The following CHRNA7 variants were observed in gnomAD, a reference collection of about 807,000 sequenced individuals.
The protein encoded by CHRNA7 is neuronal acetylcholine receptor subunit alpha-7.
In CHRNA7, 17 loss-of-function variants were observed where a neutral mutation model predicts 48.0. The observed-to-expected ratio is 0.35, with a 90% CI of 0.24 to 0.53. The LOEUF is 0.53. CHRNA7 is among the 20% of genes least tolerant of loss of function. CHRNA7 has a pLI of 0.92. For synonymous variants in CHRNA7, 75 were observed against 242.3 expected (o/e 0.31, Z 6.41); for missense variants, 155 against 577.7 (o/e 0.27, Z 7.50).
intron 4 of CHRNA7, among the ~76,000 whole-genome samples, chr15:32,123,247 C>G (rs1230013644): frequency 1.3e-5 from 2 of 152,144 alleles, no homozygotes; most frequent in African/African-American, 4.8e-5. Context: ...TGGTGTCGGC[C>G]TTCTTTGGTT....
At chr15:32,047,361 T>C (rs2049570941) in intron 2 of CHRNA7, among the ~76,000 whole-genome samples, 1 of 150,970 alleles carries the variant, frequency 6.6e-6, no homozygotes, top group Non-Finnish European at 1.5e-5. Flanking sequence ...CAGTGGTTTG[T>C]AGTTCTCCTT....
chr15:32,114,046 A>ATATATACATATATATATATG (rs2050816037), intron 4 of CHRNA7, among the ~76,000 whole-genome samples: 2 of 44,766 alleles, frequency 4.5e-5, no homozygotes, highest in African/African-American at 1.3e-4. Flanking sequence ...ATATATATGT[A>ATATATACATATATATATATG]TATATATATA....
intron 2 of CHRNA7, among the ~76,000 whole-genome samples, chr15:32,064,725 A>C (rs2049937384): frequency 6.6e-6 from 1 of 152,140 alleles, no homozygotes; most frequent in Non-Finnish European, 1.5e-5. Flanking sequence ...AGAGCTCTGG[A>C]AACCAAAACA....
At chr15:32,152,716 C>T (rs2051656706) in intron 4 of CHRNA7, among the ~76,000 whole-genome samples, 1 of 152,118 alleles carries the variant, frequency 6.6e-6, no homozygotes, top group Non-Finnish European at 1.5e-5. Flanking sequence ...GTGTGACAGC[C>T]TGATAAAGGA....
rs947251151 is a variant in CHRNA7, at chr15:32,033,099, G to A, written c.195+2062G>A. ...GTCAGCAGCCAGAGGTCATGGGAAG[G>A]GGGCGGGAGAAAGTTTATCTCTCAC... On this transcript the variant is annotated intron_variant, in intron 2 of 9. Transcript: ENST00000306901. 3.3e-5 allele frequency among the ~76,000 whole-genome samples: 5 copies of A among 152,276 alleles called. No individual in the cohort carries two copies. In the South Asian group the frequency reaches 8.3e-4, roughly 25 times the overall value.
chr15:32,096,340 C>T (rs1342748479), intron 2 of CHRNA7, among the ~76,000 whole-genome samples: 2 of 152,060 alleles, frequency 1.3e-5, no homozygotes, highest in Non-Finnish European at 2.9e-5. Flanking sequence ...ATTGCCTGCC[C>T]TTTTCTGATT....
chr15:32,100,891 A>G (rs2050559916), intron 2 of CHRNA7: 1 of 181,600 alleles, frequency 5.5e-6, no homozygotes, highest in Admixed American at 6.4e-5. Flanking sequence ...ACATACTTGT[A>G]TTTGTTTAAA....
chr15:32,144,256 G>A (rs1026389979), intron 4 of CHRNA7, among the ~76,000 whole-genome samples: 16 of 152,176 alleles, frequency 1.1e-4, no homozygotes, highest in Non-Finnish European at 2.4e-4. Flanking sequence ...CTCTCTTCTG[G>A]CTTGTAGGGT....
chr15:32,121,149 G>GTGC (rs760039862), intron 4 of CHRNA7, among the ~76,000 whole-genome samples: 31 of 152,206 alleles, frequency 2.0e-4, no homozygotes, highest in Admixed American at 1.2e-3. Context: ...CGAGCTGGAT[G>GTGC]TGCCCCATTG....
At chr15:32,125,178 A>G (rs539424121) in intron 4 of CHRNA7, among the ~76,000 whole-genome samples, 13 of 152,334 alleles carry the variant, frequency 8.5e-5, no homozygotes, top group African/African-American at 2.9e-4. Flanking sequence ...TGAACTAATA[A>G]AAGATTTAAG....
At chr15:32,137,444 A>G (rs2051292313) in intron 4 of CHRNA7, among the ~76,000 whole-genome samples, 1 of 152,154 alleles carries the variant, frequency 6.6e-6, no homozygotes, top group Admixed American at 6.5e-5. Context: ...TCTTACATGT[A>G]TATATCTAAT....
intron 4 of CHRNA7, among the ~76,000 whole-genome samples, chr15:32,140,334 G>A (rs1169045024): frequency 1.3e-5 from 2 of 152,154 alleles, no homozygotes; most frequent in African/African-American, 2.4e-5. Flanking sequence ...ATGGACATTT[G>A]GGTTGGTTCC....
chr15:32,066,320 C>T lies in CHRNA7; in HGVS notation c.196-34983C>T, dbSNP rs1367082562. ...TTTTTGAGATGGAGTCTCACTCTGT[C>T]GCCCAGGCTGGAGTGCGGTGGCGCG... On this transcript the variant is annotated intron_variant, in intron 2 of 9. Coordinates refer to ENST00000306901, the MANE Select transcript of CHRNA7 (RefSeq NM_000746.6). Among the ~76,000 whole-genome samples, 29 of 149,992 alleles carry T rather than the reference C, an allele frequency of 1.9e-4. No homozygotes were observed. The East Asian group carries it at 4.7e-3, about 24-fold the overall frequency.
chr15:32,035,626 G>A (rs1297266728), intron 2 of CHRNA7, among the ~76,000 whole-genome samples: 1 of 152,052 alleles, frequency 6.6e-6, no homozygotes, highest in African/African-American at 2.4e-5. Context: ...CTCTGTGTAG[G>A]TTTGCAATAT....
rs2051574323 is a variant in CHRNA7 at position 32,149,490 on chromosome 15, G to A, written c.351-4417G>A. ...TTTCAAACTCAGTTTTCAGCAACAG[G>A]GCCTTTCTTCAAACTCATCTTATCT... On this transcript the variant is annotated intron_variant, in intron 4 of 9. Coordinates refer to ENST00000306901, the MANE Select transcript of CHRNA7 (RefSeq NM_000746.6). This position sits in a 1 kb window ranked among gnomAD's most constrained non-coding sequence, Gnocchi z 4.6. Among the ~76,000 whole-genome samples the A allele has an allele frequency of 6.6e-6, 1 of 152,026 alleles. No individual in the cohort carries two copies. Among genetic ancestry groups the A allele is most frequent in the African/African-American group, 2.4e-5 (1 of 41,384 alleles).
At chr15:32,040,591 T>A (rs1441040356) in intron 2 of CHRNA7, among the ~76,000 whole-genome samples, 1 of 94,374 alleles carries the variant, frequency 1.1e-5, no homozygotes, top group African/African-American at 2.7e-5. Context: ...CGTGTGTGTG[T>A]GTGTATATGT....
chr15:32,140,553 C>T (rs1461778832), intron 4 of CHRNA7, among the ~76,000 whole-genome samples: 1 of 152,192 alleles, frequency 6.6e-6, no homozygotes, highest in Non-Finnish European at 1.5e-5. Context: ...TAAAAGCATT[C>T]CTATTTCTCC....
At chr15:32,091,004 C>A (rs1193553403) in intron 2 of CHRNA7, among the ~76,000 whole-genome samples, 2 of 152,012 alleles carry the variant, frequency 1.3e-5, no homozygotes, top group Admixed American at 1.3e-4. Flanking sequence ...CTGTTCTTTC[C>A]AATTCATTGT....
intron 2 of CHRNA7, among the ~76,000 whole-genome samples, chr15:32,064,401 T>C (rs916735444): frequency 2.6e-5 from 4 of 152,104 alleles, no homozygotes; most frequent in Non-Finnish European, 2.9e-5. Context: ...CCCTTATCTG[T>C]TGTTTATTTT....
Sources: allele counts gnomAD v4.1 joint callset (sites outside exome capture counted in the v4.1 genomes callset), GRCh38; gene constraint gnomAD v4.1.1; non-coding constraint Gnocchi (gnomAD v3.1); transcripts MANE v1.5; gene names NCBI Gene and HGNC (gene_info 2026-07-23, HGNC 2026-07-21).